The following RAB3GAP2 variants were observed in gnomAD, a reference collection of about 807,000 sequenced individuals.
RAB3GAP2 encodes the protein rab3 GTPase-activating protein non-catalytic subunit.
Under a neutral mutation model 185.3 loss-of-function variants are expected in RAB3GAP2, and 87 were observed. That is an observed-to-expected ratio of 0.47 (90% CI 0.39 to 0.56). The LOEUF (loss-of-function observed/expected upper bound fraction) is 0.56, where lower values mean the gene tolerates loss of function less well. Ranked by LOEUF, RAB3GAP2 falls within the 20% of genes least tolerant of loss-of-function variation. The probability of loss-of-function intolerance (pLI) is 0.00; values close to 1 mark genes in which losing one functional copy is unlikely to be tolerated. For missense variants in RAB3GAP2, 1,492 were observed against 1,638.2 expected (o/e 0.91, Z 1.54); for synonymous variants, 554 against 576.1 (o/e 0.96, Z 0.55).
chr1:220,267,493 C>G, intron 1 of RAB3GAP2: 1 of 1,406,290 alleles, frequency 7.1e-7, no homozygotes, highest in Non-Finnish European at 1.0e-6. Context: ...ACCAAACTTT[C>G]CTTTACCCGG....
rs1441787838 is a variant in RAB3GAP2 at position 220,148,589 on chromosome 1, A to ACTT, written c.*2659_*2661dup. ...CTTATAAATGAAGTGGACCACAGCA[A>ACTT]CTTCTAAATGAACATTATATTCAGT... is the stretch of plus-strand genomic sequence containing the variant. On this transcript the variant is annotated 3_prime_UTR_variant, in exon 35 of 35. Coordinates refer to ENST00000358951, the MANE Select transcript of RAB3GAP2 (RefSeq NM_012414.4). 3 of 152,172 alleles carry ACTT rather than the reference A, an allele frequency of 2.0e-5. No individual in the cohort carries two copies. Among genetic ancestry groups the ACTT allele is most frequent in the Non-Finnish European group, 2.9e-5 (2 of 68,008 alleles). The allele number at this position is 152,172 out of a possible 1,614,324, so 9.4% of individuals were successfully genotyped here. A position where few individuals can be genotyped will look rare whatever the true frequency, so the allele number is the denominator to read the frequency against.
At chr1:220,267,112 T>G in intron 1 of RAB3GAP2, 1 of 1,446,744 alleles carries the variant, frequency 6.9e-7, no homozygotes, top group Non-Finnish European at 9.7e-7. Context: ...AATTTCAAGC[T>G]CTCCAGCTGA....
rs141389690 is a variant in RAB3GAP2 at position 220,181,034 on chromosome 1, C to G, written c.2310+1223G>C. ...TCAACGGTACAGTTTTAACAATTTA[C>G]ACATTTACATTGCAGAAAGTATTAT... On this transcript the variant is annotated intron_variant, in intron 21 of 34. Transcript: ENST00000358951. Among the ~76,000 whole-genome samples the G allele has an allele frequency of 3.7e-3, 561 of 152,246 alleles. 3 individuals are homozygous for G. Among genetic ancestry groups the G allele is most frequent in the African/African-American group, 0.013 (533 of 41,534 alleles).
rs1473288220 is a variant in RAB3GAP2 at position 220,149,928 on chromosome 1, G to T, written c.*1323C>A. Reference sequence around the variant, plus strand: ...ATTACTATAGTTGGCTTCTTAAGGGGAAGTGAAGAAACAAACTTCTGTATC... The same window carrying T: ...ATTACTATAGTTGGCTTCTTAAGGGTAAGTGAAGAAACAAACTTCTGTATC... On this transcript the variant is annotated 3_prime_UTR_variant, in exon 35 of 35. Transcript: ENST00000358951. 2 of 152,096 alleles carry T rather than the reference G, an allele frequency of 1.3e-5. No homozygotes were observed. The highest frequency in any genetic ancestry group is 2.9e-5 in the Non-Finnish European group (2 of 68,022). 9.4% of individuals were successfully genotyped at this position (152,096 alleles called of 1,614,324 possible).
At chr1:220,246,362 C>T (rs1226297385) in intron 1 of RAB3GAP2, among the ~76,000 whole-genome samples, 3 of 148,790 alleles carry the variant, frequency 2.0e-5, no homozygotes, top group South Asian at 2.2e-4. Context: ...GTCAGTGTGG[C>T]GATTCCTCAG....
intron 9 of RAB3GAP2, 70 bp downstream of exon 9, chr1:220,202,206 A>C (rs1009866603): frequency 1.1e-5 from 17 of 1,496,454 alleles, no homozygotes; most frequent in Admixed American, 1.9e-5. Context: ...GCCCATTTCT[A>C]ATAAATGAGA....
chr1:220,161,607 A>G (rs1349990005), intron 28 of RAB3GAP2, among the ~76,000 whole-genome samples: 1 of 152,250 alleles, frequency 6.6e-6, no homozygotes, highest in Non-Finnish European at 1.5e-5. Context: ...CTGATGAAAT[A>G]TGAATGAGAA....
intron 32 of RAB3GAP2, 199 bp from the exon 33 acceptor site, chr1:220,153,605 A>C: frequency 2.9e-6 from 1 of 346,704 alleles, no homozygotes; most frequent in Non-Finnish European, 5.0e-6. Flanking sequence ...TATTATTATT[A>C]TTTTTTATTA....
intron 12 of RAB3GAP2, among the ~76,000 whole-genome samples, chr1:220,193,994 T>G (rs1228233201): frequency 6.6e-6 from 1 of 152,120 alleles, no homozygotes; most frequent in Non-Finnish European, 1.5e-5. Context: ...CAGGGCCATG[T>G]GACTAATTTA....
intron 1 of RAB3GAP2, among the ~76,000 whole-genome samples, chr1:220,261,701 A>G (rs1384115922): frequency 6.6e-6 from 1 of 152,162 alleles, no homozygotes; most frequent in East Asian, 1.9e-4. Context: ...TGCCCAATCT[A>G]TTCTCTTTAC....
chr1:220,159,473 C>G, intron 28 of RAB3GAP2, 52 bp from the exon 29 acceptor site: 2 of 1,313,230 alleles, frequency 1.5e-6, no homozygotes, highest in Non-Finnish European at 2.2e-6. Flanking sequence ...AATAAAAAGA[C>G]ATTACTATGG....
intron 13 of RAB3GAP2, among the ~76,000 whole-genome samples, chr1:220,191,717 C>T (rs1451349865): frequency 6.6e-6 from 1 of 151,776 alleles, no homozygotes; most frequent in East Asian, 1.9e-4. Context: ...ACTTGGGAGG[C>T]TGAGGCAGGA....
chr1:220,220,797 T>C (rs1238749510), intron 2 of RAB3GAP2, among the ~76,000 whole-genome samples: 3 of 152,214 alleles, frequency 2.0e-5, no homozygotes, highest in Non-Finnish European at 4.4e-5. Flanking sequence ...CTCTCTTCTC[T>C]TGTCTGTCGC....
At chr1:220,245,343 T>C (rs1023298480) in intron 1 of RAB3GAP2, among the ~76,000 whole-genome samples, 6 of 152,296 alleles carry the variant, frequency 3.9e-5, no homozygotes, top group African/African-American at 1.4e-4. Flanking sequence ...GGGCGAGGCA[T>C]TGCCTCACTT....
Position 220,190,513 on chromosome 1 carries a change from A to G in RAB3GAP2, c.1495T>C (p.Tyr499His). Residue 499 changes from tyrosine (Y) to histidine (H), a missense_variant, in exon 15 of 35, where the codon TAT becomes CAT. Transcript: ENST00000358951. ...FNVGKHCRLL[Y>H]PGYKIMGLNN... ...AAACCCATTATTTTATAGCCAGGAT[A>G]CAGCAGCCTAAAGAAATCACATACC... 1.3e-6 allele frequency: 2 copies of G among 1,597,822 alleles called. No homozygotes were observed. The highest frequency in any genetic ancestry group is 1.7e-6 in the Non-Finnish European group (2 of 1,165,164).
chr1:220,225,712 A>G (rs935324069), intron 2 of RAB3GAP2, among the ~76,000 whole-genome samples: 2 of 152,200 alleles, frequency 1.3e-5, no homozygotes, highest in African/African-American at 4.8e-5. Context: ...CAAAGTCCTA[A>G]TAAGAAACAG....
intron 21 of RAB3GAP2, among the ~76,000 whole-genome samples, chr1:220,179,523 C>T (rs1278121843): frequency 6.6e-6 from 1 of 152,118 alleles, no homozygotes; most frequent in East Asian, 1.9e-4. Flanking sequence ...ACCATATGGA[C>T]CTAATAGACA....
intron 1 of RAB3GAP2, among the ~76,000 whole-genome samples, chr1:220,259,453 C>T (rs1660093912): frequency 6.6e-6 from 1 of 151,976 alleles, no homozygotes; most frequent in Non-Finnish European, 1.5e-5. Context: ...TGATCTTTGA[C>T]AAATTTGACA....
chr1:220,157,100 C>T (rs181774386), intron 31 of RAB3GAP2, among the ~76,000 whole-genome samples, 170 bp downstream of exon 31: 1 of 151,912 alleles, frequency 6.6e-6, no homozygotes, highest in Non-Finnish European at 1.5e-5. Flanking sequence ...GGGAGCAGTA[C>T]AGAAGGTAAA....
Sources: gnomAD v4.1 joint callset for allele counts (sites outside exome capture counted in the v4.1 genomes callset) on GRCh38, gnomAD v4.1.1 for gene constraint, MANE v1.5 for transcripts, NCBI Gene and HGNC (gene_info 2026-07-23, HGNC 2026-07-21) for gene names.